The following PSG7 variants were observed in gnomAD, a reference collection of about 807,000 sequenced individuals.
The protein encoded by PSG7 is pregnancy-specific beta-1-glycoprotein 7.
A neutral mutation model predicts 45.6 loss-of-function variants in PSG7; 57 were observed. That is an observed-to-expected ratio of 1.25 (90% CI 1.01 to 1.56). The LOEUF (loss-of-function observed/expected upper bound fraction) is 1.56. Among genes scored for constraint, PSG7 ranks in the 40% most tolerant of loss-of-function variants. The pLI, the probability that PSG7 is intolerant of heterozygous loss-of-function variation, is 0.00. For missense variants in PSG7, 796 were observed against 508.4 expected (o/e 1.57, Z -5.44); for synonymous variants, 298 against 194.4 (o/e 1.53, Z -4.43).
In PSG7 at chr19:42,930,816, A is replaced by C. The variant is rs183043845; in HGVS notation, c.431-1096T>G. On this transcript the variant is annotated intron_variant, in intron 2 of 5. Coordinates refer to ENST00000406070, the MANE Select transcript of PSG7 (RefSeq NM_002783.3). ...GGGTGTGTGGTTTCAGTTATGCAGGATGAGGGGGTTCTAGAGATCTCCTGT... is the reference window on the plus strand; with the variant it reads ...GGGTGTGTGGTTTCAGTTATGCAGGCTGAGGGGGTTCTAGAGATCTCCTGT... Among the ~76,000 whole-genome samples, 4 of 151,648 alleles carry C rather than the reference A, an allele frequency of 2.6e-5. No homozygotes were observed. The East Asian group carries it at 7.8e-4, about 30-fold the overall frequency.
chr19:42,933,303 ATATATTTTTT>A (rs1352074116), intron 2 of PSG7, among the ~76,000 whole-genome samples: 1 of 14,856 alleles, frequency 6.7e-5, no homozygotes, highest in African/African-American at 1.8e-4. Context: ...ATATATATAT[ATATATTTTTT>A]TTTTTTTTTG....
rs764995128 is a variant in PSG7, at chr19:42,929,600, C to G, written c.551G>C (p.Gly184Ala). 6.2e-7 allele frequency: 1 copy of G among 1,612,546 alleles called. No homozygotes were observed. The highest frequency in any genetic ancestry group is 1.1e-5 in the South Asian group (1 of 90,834). The change falls in exon 3 of 6, where the codon GGT becomes GCT. Residue 184 changes from glycine (G) to alanine (A), a missense_variant. Coordinates refer to ENST00000406070, the MANE Select transcript of PSG7 (RefSeq NM_002783.3). ...PDASYLWWMNGQSLPMTHSLQ... is the reference protein window; with the variant it reads ...PDASYLWWMNAQSLPMTHSLQ... ...GCTGTGAGTCATAGGGAGGCTCTGA[C>G]CATTCATCCACCACAGGTAGCTTGC...
chr19:42,933,299 A>AT (rs1235421771), intron 2 of PSG7, among the ~76,000 whole-genome samples: 7 of 14,640 alleles, frequency 4.8e-4, no homozygotes, highest in African/African-American at 1.1e-3. Flanking sequence ...ATATATATAT[A>AT]TATATATATT....
chr19:42,931,062 G>T (rs553332813), intron 2 of PSG7, among the ~76,000 whole-genome samples: 8 of 151,696 alleles, frequency 5.3e-5, no homozygotes, highest in African/African-American at 1.7e-4. Flanking sequence ...GAGCATTTCA[G>T]ATTGTGGATT....
At chr19:42,933,544 A>G (rs1973079454) in intron 2 of PSG7, among the ~76,000 whole-genome samples, 1 of 149,434 alleles carries the variant, frequency 6.7e-6, no homozygotes, top group Admixed American at 6.8e-5. Context: ...TGATTTCTGC[A>G]CCTTTCCTAT....
rs1051217379 is a variant in PSG7 at position 42,926,146 on chromosome 19, T to C, written c.989-119A>G. ...GACACACCCTCAAGTGACAGCCAAA[T>C]CCCCTCTATGTTCACTGAGCCGAAG... On this transcript the variant is annotated intron_variant, in intron 4 of 5. Transcript: ENST00000406070. 41 of 1,489,204 alleles carry C rather than the reference T, an allele frequency of 2.8e-5. 1 individual carries two copies. Among genetic ancestry groups the C allele is most frequent in the African/African-American group, 2.1e-4 (15 of 70,982 alleles). 92.2% of individuals were successfully genotyped at this position (1,489,204 alleles called of 1,614,324 possible).
chr19:42,932,979 A>G lies in PSG7; in HGVS notation c.430+2425T>C, dbSNP rs1973052054. On this transcript the variant is annotated intron_variant, in intron 2 of 5. Coordinates refer to ENST00000406070, the MANE Select transcript of PSG7 (RefSeq NM_002783.3). ...GTTTCTCATTCTTTTGCATTCTGGC[A>G]ACCGGCTGACCTCATCTATACCTAT... Among the ~76,000 whole-genome samples the G allele has an allele frequency of 1.3e-5, 2 of 150,502 alleles. 1 individual carries two copies. Among genetic ancestry groups the G allele is most frequent in the Non-Finnish European group, 3.0e-5 (2 of 67,662 alleles).
At chr19:42,925,233 A>G (rs1376675919) in intron 5 of PSG7, 1 of 302,366 alleles carries the variant, frequency 3.3e-6, no homozygotes, top group Non-Finnish European at 6.1e-6. Flanking sequence ...TAATATAACC[A>G]ATGATTTGAA....
chr19:42,934,671 G>T (rs1226618303), intron 2 of PSG7, among the ~76,000 whole-genome samples: 1 of 151,644 alleles, frequency 6.6e-6, no homozygotes, highest in Non-Finnish European at 1.5e-5. Flanking sequence ...TCAGATCCCT[G>T]TGGACAAGCT....
intron 5 of PSG7, 95 bp downstream of exon 5, chr19:42,925,678 C>A (rs1463990071): frequency 6.3e-7 from 1 of 1,596,922 alleles, no homozygotes; most frequent in Non-Finnish European, 8.5e-7. Context: ...CCATGGGACA[C>A]AGGCTGGGAA....
At chr19:42,933,265 CAATATATATATATATATATA>C (rs1973059978) in intron 2 of PSG7, among the ~76,000 whole-genome samples, 4 of 30,376 alleles carry the variant, frequency 1.3e-4, no homozygotes, top group South Asian at 1.9e-3. Flanking sequence ...ATCACCATTT[CAATATATATATATATATATA>C]TATATATATA....
chr19:42,935,184 C>T (rs1292808391), intron 2 of PSG7, among the ~76,000 whole-genome samples: 2 of 151,868 alleles, frequency 1.3e-5, no homozygotes, highest in Non-Finnish European at 2.9e-5. Context: ...GACTGTCCTT[C>T]CTCTGCAGCA....
chr19:42,937,027 C>G lies in PSG7; in HGVS notation c.50G>C (p.Gly17Ala). 1 of 1,611,546 alleles carries G rather than the reference C, an allele frequency of 6.2e-7. No individual in the cohort carries two copies. Among genetic ancestry groups the G allele is most frequent in the Non-Finnish European group, 8.5e-7 (1 of 1,178,566 alleles). ...PPCTQHITWK[G>A]LLLTASLLNF... ...TCTCTCCTCACCTGTGAGCAGGAGC[C>G]CTTTCCAGGTTATATGCTGTGTGCA... The change falls in exon 1 of 6, where the codon GGG becomes GCG. Residue 17 changes from glycine to alanine, a missense_variant. Transcript: ENST00000406070.
chr19:42,929,185 G>C (rs1972961888), intron 3 of PSG7: 2 of 825,034 alleles, frequency 2.4e-6, no homozygotes, highest in Non-Finnish European at 1.8e-6. Context: ...ATGATCTGGA[G>C]CCTGAGACAT....
Position 42,933,296 on chromosome 19 carries a change from TATATATA to T in PSG7, c.430+2101_430+2107del, listed in dbSNP as rs1365914319. Among the ~76,000 whole-genome samples, 45 of 16,452 alleles carry T rather than the reference TATATATA, an allele frequency of 2.7e-3. 7 individuals carry two copies. The highest frequency in any genetic ancestry group is 3.1e-3 in the South Asian group (1 of 324). 10.8% of individuals were successfully genotyped at this position (16,452 alleles called of 152,430 possible). A position where few individuals can be genotyped will look rare whatever the true frequency, so the allele number is the denominator to read the frequency against. ...ATATATATATATATATATATATATATATATATATATATTTTTTTTTTTTTTTGGTGTA... is the reference window on the plus strand; with the variant it reads ...ATATATATATATATATATATATATATTATATTTTTTTTTTTTTTTGGTGTA... On this transcript the variant is annotated intron_variant, in intron 2 of 5. Transcript: ENST00000406070.
rs368091450 is a variant in PSG7, at chr19:42,925,968, G to A, written c.1048C>T (p.Leu350Phe). 6.2e-7 allele frequency: 1 copy of A among 1,612,030 alleles called. No individual in the cohort carries two copies. Among genetic ancestry groups the A allele is most frequent in the Non-Finnish European group, 8.5e-7 (1 of 1,179,104 alleles). Residue 350 changes from leucine to phenylalanine, a missense_variant, in exon 5 of 6, where the codon CTC (leucine) becomes TTC (phenylalanine). Leu to Phe is a conservative substitution (Grantham distance 22). Transcript: ENST00000406070. ...SFTYYHSGQN[L>F]YLSCFADSNP... The stretch of plus-strand genomic sequence containing the variant: ...GAGTCCGCAAAGCAGGACAAGTAGA[G>A]GTTTTGTCCTGAATGGTAATAGGTG...
intron 4 of PSG7, 93 bp downstream of exon 4, chr19:42,926,345 C>T (rs546258430): frequency 1.9e-5 from 30 of 1,572,840 alleles, no homozygotes; most frequent in East Asian, 9.0e-5. Context: ...ATACTTGGAC[C>T]GGAGAGAGAC....
intron 2 of PSG7, among the ~76,000 whole-genome samples, chr19:42,933,307 A>ATATATATATATATTTTTTT (rs56691588): frequency 5.2e-4 from 7 of 13,502 alleles, no homozygotes; most frequent in Non-Finnish European, 9.7e-4. Context: ...ATATATATAT[A>ATATATATATATATTTTTTT]TTTTTTTTTT....
At position 42,924,479 on chromosome 19, in the gene PSG7, C is replaced by T; in HGVS notation, c.*329G>A. On this transcript the variant is annotated 3_prime_UTR_variant, in exon 6 of 6. Coordinates refer to ENST00000406070, the MANE Select transcript of PSG7 (RefSeq NM_002783.3). ...GTGAAATTCTAATGACTGCATTATC[C>T]TGCCAAGTGAAAGAGGCAGGCACAA... 2 of 557,178 alleles carry T rather than the reference C, an allele frequency of 3.6e-6. No homozygotes were observed. The highest frequency in any genetic ancestry group is 6.3e-6 in the Non-Finnish European group (2 of 316,988). 34.5% of individuals were successfully genotyped at this position (557,178 alleles called of 1,614,324 possible). A position where few individuals can be genotyped will look rare whatever the true frequency, so the allele number is the denominator to read the frequency against.
Sources: allele counts gnomAD v4.1 joint callset (sites outside exome capture counted in the v4.1 genomes callset), GRCh38; gene constraint gnomAD v4.1.1; transcripts MANE v1.5; gene names NCBI Gene and HGNC (gene_info 2026-07-23, HGNC 2026-07-21).